The following CYP4F22 variants were observed in gnomAD, a reference collection of about 807,000 sequenced individuals.
CYP4F22 encodes cytochrome P450 family 4 subfamily F member 22.
In CYP4F22, 37 loss-of-function variants were observed where a neutral mutation model predicts 60.4. That is an observed-to-expected ratio of 0.61 (90% CI 0.47 to 0.81). The LOEUF (loss-of-function observed/expected upper bound fraction) is 0.81, where lower values mean the gene tolerates loss of function less well. Among genes scored for constraint, CYP4F22 ranks in the 30% least tolerant of loss-of-function variants. The pLI is 0.00. For missense variants in CYP4F22, 655 were observed against 715.0 expected, an observed-to-expected ratio of 0.92 and a Z score of 0.96; for synonymous variants, 258 against 280.5, an observed-to-expected ratio of 0.92 and a Z score of 0.80.
At chr19:15,515,449 G>A (rs774709656) in intron 1 of CYP4F22, 2 of 938,428 alleles carry the variant, frequency 2.1e-6, no homozygotes, top group Admixed American at 1.8e-5. Context: ...AGCTGGCCAG[G>A]CACGGTGGCT....
Position 15,551,502 on chromosome 19 carries a change from T to G in CYP4F22, c.*31T>G. 1 of 1,543,108 alleles carries G rather than the reference T, an allele frequency of 6.5e-7. No individual in the cohort carries two copies. Among genetic ancestry groups the G allele is most frequent in the Non-Finnish European group, 8.7e-7 (1 of 1,144,784 alleles). ...GGCGCGCCCCTGCGGCTCCCGAGGG[T>G]CCAGGCCCCGCCCCCAAAGGACCAG... On this transcript the variant is annotated 3_prime_UTR_variant, in exon 14 of 14. Coordinates refer to ENST00000269703, the MANE Select transcript of CYP4F22 (RefSeq NM_173483.4).
At chr19:15,525,315 C>T (rs1260958326) in intron 2 of CYP4F22, 21 bp from the exon 3 acceptor site, 1 of 1,610,784 alleles carries the variant, frequency 6.2e-7, no homozygotes, top group Non-Finnish European at 8.5e-7. Context: ...GCACCGACCC[C>T]CTGACCCTGT....
rs1183250924 is a variant in CYP4F22 at position 15,544,216 on chromosome 19, A to G, written c.1073A>G (p.Gln358Arg). The G allele has an allele frequency of 6.2e-7, 1 of 1,614,186 alleles. No homozygotes were observed. The highest frequency in any genetic ancestry group is 8.5e-7 in the Non-Finnish European group (1 of 1,180,040). Residue 358 changes from glutamine to arginine, a missense_variant, in exon 10 of 14, where the codon CAG becomes CGG. This residue lies in a region of CYP4F22 where 74 missense variants were observed against 118.4 expected (regional missense o/e 0.62). Coordinates refer to ENST00000269703, the MANE Select transcript of CYP4F22 (RefSeq NM_173483.4). ...AATTTGGCAAAGTATCCGGAATACCAGGAGAAATGCCGAGAAGAGATTCAG... is the reference window on the plus strand; with the variant it reads ...AATTTGGCAAAGTATCCGGAATACCGGGAGAAATGCCGAGAAGAGATTCAG... ...LFNLAKYPEY[Q>R]EKCREEIQEV...
chr19:15,521,231 C>CTTTTT (rs58365952), intron 1 of CYP4F22, among the ~76,000 whole-genome samples: 1 of 110,196 alleles, frequency 9.1e-6, no homozygotes, highest in Non-Finnish European at 1.9e-5. Context: ...TTACTTCCAC[C>CTTTTT]TTTTTTTTTT....
intron 10 of CYP4F22, among the ~76,000 whole-genome samples, chr19:15,545,794 T>C (rs953755581): frequency 6.6e-6 from 1 of 152,028 alleles, no homozygotes; most frequent in Non-Finnish European, 1.5e-5. Context: ...CAGGGGGACA[T>C]GCTCAGTGGG....
Position 15,510,282 on chromosome 19 carries a change from C to T in CYP4F22, c.-109+1699C>T, listed in dbSNP as rs1025486764. 2.6e-5 allele frequency among the ~76,000 whole-genome samples: 4 copies of T among 152,156 alleles called. No individual in the cohort carries two copies. In the East Asian group the frequency reaches 7.7e-4, roughly 29 times the overall value. On this transcript the variant is annotated intron_variant, in intron 1 of 13. Transcript: ENST00000269703. ...CAGGCATGAGCCACTGCGCCTGACT[C>T]ATCTCTCCTTGTTGATAAAACTTGG... is the stretch of plus-strand genomic sequence containing the variant.
intron 3 of CYP4F22, 21 bp downstream of exon 3, chr19:15,525,579 C>CTGGGA (rs772953220): frequency 6.3e-7 from 1 of 1,591,648 alleles, no homozygotes; most frequent in Non-Finnish European, 8.5e-7. Context: ...CCAGGCAGGA[C>CTGGGA]TGGGCTGGGC....
chr19:15,512,359 T>G (rs1971102111), intron 1 of CYP4F22, among the ~76,000 whole-genome samples: 1 of 152,050 alleles, frequency 6.6e-6, no homozygotes, highest in Non-Finnish European at 1.5e-5. Context: ...TGAGATAGAG[T>G]CTCACTCTGT....
At chr19:15,534,282 T>C (rs1338878234) in intron 4 of CYP4F22, among the ~76,000 whole-genome samples, 2 of 152,170 alleles carry the variant, frequency 1.3e-5, no homozygotes, top group African/African-American at 4.8e-5. Flanking sequence ...AGTGGTAACA[T>C]GTCCAGGCTT....
At chr19:15,545,648 C>CAAAA (rs1217096575) in intron 10 of CYP4F22, among the ~76,000 whole-genome samples, 1,052 of 38,756 alleles carry the variant, frequency 0.027, 45 homozygotes, top group Non-Finnish European at 0.039. Context: ...GACCCTGTCT[C>CAAAA]AAAAAAAAAA....
chr19:15,511,814 C>T (rs1408628799), intron 1 of CYP4F22, among the ~76,000 whole-genome samples: 1 of 152,230 alleles, frequency 6.6e-6, no homozygotes, highest in African/African-American at 2.4e-5. Flanking sequence ...TGGGAGCCCA[C>T]ACACCTTGTA....
chr19:15,509,689 C>G (rs1971060154), intron 1 of CYP4F22, among the ~76,000 whole-genome samples: 1 of 152,134 alleles, frequency 6.6e-6, no homozygotes, highest in Admixed American at 6.5e-5. Context: ...TGTTTGACCC[C>G]AAAGCCTCAG....
intron 1 of CYP4F22, among the ~76,000 whole-genome samples, chr19:15,517,683 C>A (rs192244481): frequency 6.6e-6 from 1 of 152,310 alleles, no homozygotes; most frequent in African/African-American, 2.4e-5. Context: ...TCTTCCAGCT[C>A]TCTTTAAGGC....
intron 13 of CYP4F22, 66 bp downstream of exon 13, chr19:15,550,822 A>T (rs541133941): frequency 9.9e-5 from 156 of 1,578,862 alleles, no homozygotes; most frequent in Non-Finnish European, 2.7e-5. Flanking sequence ...AAGATCAGGA[A>T]TGTGCCTCTC....
Position 15,543,830 on chromosome 19 carries a change from C to T in CYP4F22, c.940-141C>T. On this transcript the variant is annotated intron_variant, in intron 8 of 13. Transcript: ENST00000269703. ...CGAGATTGTGCCACCGCACTCCAGC[C>T]TGGGTGATAGAGCGAGACTCCATCT... is the stretch of plus-strand genomic sequence containing the variant. The T allele has an allele frequency of 3.4e-6, 3 of 886,916 alleles. No homozygotes were observed. In the East Asian group the frequency reaches 8.0e-5, roughly 24 times the overall value. 54.9% of individuals were successfully genotyped at this position (886,916 alleles called of 1,614,324 possible).
At chr19:15,508,668 G>A (rs1234170466) in intron 1 of CYP4F22, 85 bp downstream of exon 1, 1 of 152,618 alleles carries the variant, frequency 6.6e-6, no homozygotes, top group Non-Finnish European at 1.5e-5. Context: ...TTCGGTGCTG[G>A]CGGGGCAAGG....
At chr19:15,509,339 G>A (rs1306029865) in intron 1 of CYP4F22, among the ~76,000 whole-genome samples, 1 of 152,134 alleles carries the variant, frequency 6.6e-6, no homozygotes, top group Non-Finnish European at 1.5e-5. Flanking sequence ...ATCTCTCCTG[G>A]TTCATCTGCC....
In CYP4F22 at chr19:15,540,504, G is replaced by A. The variant is rs1197089857; in HGVS notation, c.726G>A (p.Arg242=). The A allele has an allele frequency of 1.9e-6, 3 of 1,614,054 alleles. No homozygotes were observed. Among genetic ancestry groups the A allele is most frequent in the South Asian group, 2.2e-5 (2 of 91,090 alleles). ...AIIELSALSV[R]RQYRLHHYLD... is the part of the protein sequence containing the mutation. Reference sequence around the variant, plus strand: ...TTGAACTGAGCGCTCTGTCTGTCCGGCGCCAGTATCGCTTGCACCACTACC... The same window carrying A: ...TTGAACTGAGCGCTCTGTCTGTCCGACGCCAGTATCGCTTGCACCACTACC... Residue 242 remains arginine (R), a synonymous_variant, in exon 8 of 14, where the codon CGG becomes CGA. Coordinates refer to ENST00000269703, the MANE Select transcript of CYP4F22 (RefSeq NM_173483.4).
At chr19:15,526,907 C>A (rs1464491270) in intron 3 of CYP4F22, among the ~76,000 whole-genome samples, 1 of 152,086 alleles carries the variant, frequency 6.6e-6, no homozygotes, top group Non-Finnish European at 1.5e-5. Context: ...TGCATGCCCC[C>A]ACGCCTGGCT....
Sources: gnomAD v4.1 joint callset for allele counts (sites outside exome capture counted in the v4.1 genomes callset) on GRCh38, gnomAD v4.1.1 for gene constraint, gnomAD v4.1.1 regional missense constraint, MANE v1.5 for transcripts, NCBI Gene and HGNC (gene_info 2026-07-23, HGNC 2026-07-21) for gene names.